The following CHLSN variants were observed in gnomAD, a reference collection of about 807,000 sequenced individuals.
CHLSN encodes protein cholesin.
At chr7:1,063,993 G>A in the CHLSN span, among the ~76,000 whole-genome samples, 1 of 152,184 alleles carries the variant, frequency 6.6e-6, no homozygotes, top group Non-Finnish European at 1.5e-5. Flanking sequence ...GAGGTGGGGG[G>A]CAGGGGGACT....
At chr7:985,341 A>G in the CHLSN span, 1 of 1,546,868 alleles carries the variant, frequency 6.5e-7, no homozygotes, top group East Asian at 2.4e-5. Flanking sequence ...GCTGCCTCCC[A>G]TCCTTGGGGT....
the CHLSN span, chr7:987,145 G>A: frequency 7.1e-5 from 112 of 1,573,496 alleles, no homozygotes; most frequent in Non-Finnish European, 8.5e-5. Flanking sequence ...AGGCCAACGC[G>A]GTGGCCTGCA....
At chr7:985,063 C>T in the CHLSN span, 1 of 1,612,536 alleles carries the variant, frequency 6.2e-7, no homozygotes, top group Non-Finnish European at 8.5e-7. Flanking sequence ...TCTGCAGGAG[C>T]TGAAATGCCT....
At chr7:997,504 A>T in the CHLSN span, 1 of 857,592 alleles carries the variant, frequency 1.2e-6, no homozygotes, top group Non-Finnish European at 1.7e-6. Flanking sequence ...GGAGGAGCTG[A>T]AAGCCCTTGC....
At chr7:995,769 G>A in the CHLSN span, among the ~76,000 whole-genome samples, 1 of 152,262 alleles carries the variant, frequency 6.6e-6, no homozygotes, top group East Asian at 1.9e-4. Context: ...ACACCAGGAG[G>A]GGCTGGACTC....
At chr7:1,112,323 T>C in the CHLSN span, among the ~76,000 whole-genome samples, 1 of 152,228 alleles carries the variant, frequency 6.6e-6, no homozygotes, top group Non-Finnish European at 1.5e-5. Context: ...AAAGCCCAGC[T>C]TAGAGATGAG....
At chr7:1,097,133 C>T in the CHLSN span, among the ~76,000 whole-genome samples, 1 of 152,196 alleles carries the variant, frequency 6.6e-6, no homozygotes, top group Non-Finnish European at 1.5e-5. The surrounding 1 kb of genome is among the most constrained non-coding windows in gnomAD (Gnocchi z 4.3). Context: ...ACAGACTACG[C>T]GAGTACGTTT....
the CHLSN span, among the ~76,000 whole-genome samples, chr7:1,021,206 C>T: frequency 6.6e-6 from 1 of 151,574 alleles, no homozygotes; most frequent in African/African-American, 2.4e-5. Flanking sequence ...GACCTCCAGA[C>T]TGGGGACCTC....
the CHLSN span, among the ~76,000 whole-genome samples, chr7:1,006,983 G>A: frequency 5.3e-5 from 8 of 152,180 alleles, no homozygotes; most frequent in Non-Finnish European, 7.3e-5. Flanking sequence ...CAAGGTCACC[G>A]TGTGGGGATG....
chr7:993,409 T>G, the CHLSN span, among the ~76,000 whole-genome samples: 92,656 of 152,050 alleles, frequency 0.61, 30,112 homozygotes, highest in African/African-American at 0.84. Flanking sequence ...AGCTGGAGGC[T>G]GCCAGCGCTC....
the CHLSN span, among the ~76,000 whole-genome samples, chr7:1,063,641 G>A: frequency 6.6e-6 from 1 of 152,380 alleles, no homozygotes; most frequent in African/African-American, 2.4e-5. Context: ...ACCAAGTGTG[G>A]TCTCACGTCC....
chr7:999,820 C>T, the CHLSN span, among the ~76,000 whole-genome samples: 2 of 152,220 alleles, frequency 1.3e-5, no homozygotes, highest in African/African-American at 4.8e-5. Context: ...TCAGCAGAAC[C>T]GTGGGCTCCT....
chr7:1,120,747 C>A, the CHLSN span, among the ~76,000 whole-genome samples: 2 of 152,220 alleles, frequency 1.3e-5, no homozygotes, highest in African/African-American at 4.8e-5. Context: ...CCCTAGTAAA[C>A]GGGTGAGAGA....
the CHLSN span, among the ~76,000 whole-genome samples, chr7:1,070,990 A>G: frequency 6.6e-6 from 1 of 150,492 alleles, no homozygotes; most frequent in Non-Finnish European, 1.5e-5. Context: ...ACACGGGCAC[A>G]CACACACGTG....
the CHLSN span, among the ~76,000 whole-genome samples, chr7:1,094,810 G>A: frequency 6.6e-6 from 1 of 152,194 alleles, no homozygotes; most frequent in East Asian, 1.9e-4. Flanking sequence ...TCAGGCAGGT[G>A]GGGCCTGTAT....
chr7:1,093,625 C>T, the CHLSN span: 13 of 471,104 alleles, frequency 2.8e-5, no homozygotes, highest in African/African-American at 8.0e-5. Context: ...TGCGAGCTGC[C>T]GTGTGGGTTA....
chr7:1,015,277 G>A, the CHLSN span, among the ~76,000 whole-genome samples: 1 of 152,052 alleles, frequency 6.6e-6, no homozygotes, highest in African/African-American at 2.4e-5. Context: ...ATGAGAGCAG[G>A]TGTGGGCTCC....
the CHLSN span, among the ~76,000 whole-genome samples, chr7:1,032,079 G>C: frequency 6.6e-6 from 1 of 152,092 alleles, no homozygotes; most frequent in Non-Finnish European, 1.5e-5. Context: ...TATGTCTGAC[G>C]CATTCTTTTA....
the CHLSN span, among the ~76,000 whole-genome samples, chr7:996,780 G>A: frequency 8.5e-5 from 13 of 152,232 alleles, no homozygotes; most frequent in African/African-American, 3.1e-4. Flanking sequence ...CGGCCTAAGT[G>A]TGTTTCCTGG....
Sources: gnomAD v4.1 joint callset for allele counts (sites outside exome capture counted in the v4.1 genomes callset) on GRCh38, gnomAD v4.1.1 for gene constraint, Gnocchi (gnomAD v3.1) non-coding constraint, MANE v1.5 for transcripts, NCBI Gene and HGNC (gene_info 2026-07-23, HGNC 2026-07-21) for gene names.